RPGRIP1: variants seen among roughly 807,000 people sequenced by gnomAD.
RPGRIP1 encodes X-linked retinitis pigmentosa GTPase regulator-interacting protein 1.
A neutral mutation model predicts 157.9 loss-of-function variants in RPGRIP1; 128 were observed. That is an observed-to-expected ratio of 0.81 (90% CI 0.70 to 0.94). RPGRIP1 has a LOEUF of 0.94. Among genes scored for constraint, RPGRIP1 ranks in the 40% least tolerant of loss-of-function variants. The pLI is 0.00. For missense variants in RPGRIP1, 1,486 were observed against 1,545.8 expected, an observed-to-expected ratio of 0.96 and a Z score of 0.65; for synonymous variants, 554 against 571.6, an observed-to-expected ratio of 0.97 and a Z score of 0.44.
intron 4 of RPGRIP1, 132 bp downstream of exon 4, chr14:21,301,369 G>A: frequency 1.0e-6 from 1 of 971,640 alleles, no homozygotes; most frequent in Non-Finnish European, 1.5e-6. Context: ...CCTCCTTTCT[G>A]CCTCCCTAAA....
chr14:21,304,440 A>AAAGG (rs1566673349), intron 6 of RPGRIP1, among the ~76,000 whole-genome samples: 3 of 141,610 alleles, frequency 2.1e-5, no homozygotes, highest in Non-Finnish European at 4.7e-5. Context: ...AGAAAGAAAG[A>AAAGG]AAGAAATTAA....
At chr14:21,288,178 C>CA in intron 2 of RPGRIP1, 117 bp downstream of exon 2, 3 of 599,770 alleles carry the variant, frequency 5.0e-6, no homozygotes, top group East Asian at 3.0e-5. Context: ...TCAGTCTTCT[C>CA]ACTTTTTTTT....
rs1412730800 is a variant in RPGRIP1, at chr14:21,326,794, TTC to T, written c.2710+626_2710+627del. 5.9e-5 allele frequency among the ~76,000 whole-genome samples: 9 copies of T among 152,352 alleles called. No individual in the cohort carries two copies. In the East Asian group the frequency reaches 7.7e-4, roughly 13 times the overall value. ...CTGAGACCTTAACACTCCCCCATCA[TTC>T]TCTCACTTCTTTTAAACACTGGACA... is the stretch of plus-strand genomic sequence containing the variant. On this transcript the variant is annotated intron_variant, in intron 17 of 24. Transcript: ENST00000400017.
chr14:21,295,553 A>C (rs1319871835), intron 3 of RPGRIP1, among the ~76,000 whole-genome samples: 1 of 142,866 alleles, frequency 7.0e-6, no homozygotes, highest in Non-Finnish European at 1.5e-5. Flanking sequence ...GCATGATCTC[A>C]GCTCACCGCA....
At chr14:21,302,227 A>G (rs569488270) in intron 4 of RPGRIP1, among the ~76,000 whole-genome samples, 1 of 152,258 alleles carries the variant, frequency 6.6e-6, no homozygotes, top group East Asian at 1.9e-4. Flanking sequence ...TTAGACACAC[A>G]GTCTCTGCCC....
intron 21 of RPGRIP1, among the ~76,000 whole-genome samples, chr14:21,335,972 A>G (rs76366205): frequency 0.027 from 4,186 of 152,314 alleles, 187 homozygotes; most frequent in African/African-American, 0.095. Context: ...GTGACTGAAT[A>G]ATAGATTCAG....
At chr14:21,309,986 G>A (rs1280364653) in intron 7 of RPGRIP1, among the ~76,000 whole-genome samples, 3 of 152,072 alleles carry the variant, frequency 2.0e-5, no homozygotes, top group Non-Finnish European at 2.9e-5. Context: ...TTGGGAGGTT[G>A]AGGAAGGAGA....
intron 21 of RPGRIP1, among the ~76,000 whole-genome samples, chr14:21,338,167 C>T (rs1199122510): frequency 2.0e-5 from 3 of 152,216 alleles, no homozygotes; most frequent in South Asian, 4.1e-4. Flanking sequence ...CTGCCCGCCT[C>T]GGCCTCCCAA....
intron 5 of RPGRIP1, 62 bp downstream of exon 5, chr14:21,302,646 T>C: frequency 9.6e-7 from 1 of 1,046,718 alleles, no homozygotes; most frequent in Non-Finnish European, 1.4e-6. Flanking sequence ...AAGACATCAT[T>C]TAGGGAACAA....
At chr14:21,317,949 G>C in intron 11 of RPGRIP1, 99 bp downstream of exon 11, 1 of 1,012,860 alleles carries the variant, frequency 9.9e-7, no homozygotes, top group South Asian at 1.5e-5. Flanking sequence ...CCCCTCACTT[G>C]ATCCTATTCT....
intron 13 of RPGRIP1, 185 bp downstream of exon 13, chr14:21,321,587 C>T (rs1882478199): frequency 8.0e-7 from 1 of 1,252,606 alleles, no homozygotes; most frequent in African/African-American, 1.5e-5. Flanking sequence ...GGCACCTTGG[C>T]ACTAGGAGCC....
chr14:21,284,685 C>T (rs150155906), intron 1 of RPGRIP1, among the ~76,000 whole-genome samples: 48 of 151,956 alleles, frequency 3.2e-4, no homozygotes, highest in African/African-American at 1.1e-3. Flanking sequence ...ACTGGGATCA[C>T]TCTGTCGTGG....
At chr14:21,281,708 AATAATAAT>A (rs1880136559) in intron 1 of RPGRIP1, among the ~76,000 whole-genome samples, 3 of 137,782 alleles carry the variant, frequency 2.2e-5, no homozygotes, top group Admixed American at 2.2e-4. Flanking sequence ...AAAAATAAAT[AATAATAAT>A]AATAATAATA....
At chr14:21,313,621 C>G (rs543708176) in intron 10 of RPGRIP1, among the ~76,000 whole-genome samples, 30 of 152,004 alleles carry the variant, frequency 2.0e-4, no homozygotes, top group Non-Finnish European at 3.1e-4. Context: ...AGCCCTGTGT[C>G]TACTAAAAAT....
At chr14:21,339,315 G>A (rs138511711) in intron 21 of RPGRIP1, among the ~76,000 whole-genome samples, 186 of 152,070 alleles carry the variant, frequency 1.2e-3, no homozygotes, top group Admixed American at 2.4e-3. Flanking sequence ...GCGTGGTGGC[G>A]CGTGCTTGTA....
In RPGRIP1 at chr14:21,326,031, T is replaced by C. The variant is rs794727175; in HGVS notation, c.2568T>C (p.Leu856=). The change falls in exon 17 of 25, where the codon CTT becomes CTC. Residue 856 remains leucine, a synonymous_variant. Coordinates refer to ENST00000400017, the MANE Select transcript of RPGRIP1 (RefSeq NM_020366.4). ...GAGACCAGGCTCGATTCCCAGTGCTTGTGACCTCTGACCTGGACCATTATC... is the reference window on the plus strand; with the variant it reads ...GAGACCAGGCTCGATTCCCAGTGCTCGTGACCTCTGACCTGGACCATTATC... The part of the protein sequence containing the change: ...YFRDQARFPV[L]VTSDLDHYLR... 2.5e-6 allele frequency: 4 copies of C among 1,613,954 alleles called. No individual in the cohort carries two copies. Among genetic ancestry groups the C allele is most frequent in the Non-Finnish European group, 3.4e-6 (4 of 1,179,862 alleles).
rs1402729345 is a variant in RPGRIP1 at position 21,330,142 on chromosome 14, A to T, written c.3100-107A>T. 11 of 688,396 alleles carry T rather than the reference A, an allele frequency of 1.6e-5. No homozygotes were observed. The Admixed American group carries it at 2.0e-4, about 13-fold the overall frequency. 42.6% of individuals were successfully genotyped at this position (688,396 alleles called of 1,614,324 possible). A position where few individuals can be genotyped will look rare whatever the true frequency, so the allele number is the denominator to read the frequency against. On this transcript the variant is annotated intron_variant, in intron 19 of 24. Coordinates refer to ENST00000400017, the MANE Select transcript of RPGRIP1 (RefSeq NM_020366.4). ...CAAAAAAATAATAATAATAAAAATT[A>T]AAAAAATAAAAAGAGCTAATATTTA...
At position 21,295,457 on chromosome 14, in the gene RPGRIP1, A is replaced by G. The variant is rs1880729048; in HGVS notation, c.218+648A>G. ...GTGCTATCTATACATTTATTTATTT[A>G]TTTATTTATTTATTTTTGAGATTTT... On this transcript the variant is annotated intron_variant, in intron 3 of 24. Transcript: ENST00000400017. Among the ~76,000 whole-genome samples the G allele has an allele frequency of 1.5e-5, 2 of 130,104 alleles. 1 individual carries two copies. The highest frequency in any genetic ancestry group is 4.4e-4 in the East Asian group (2 of 4,518). The allele number at this position is 130,104 out of a possible 152,430, so 85.4% of individuals were successfully genotyped here.
Position 21,343,178 on chromosome 14 carries a change from C to T in RPGRIP1, c.3482C>T (p.Ser1161Phe). 6.2e-7 allele frequency: 1 copy of T among 1,613,392 alleles called. No homozygotes were observed. Among genetic ancestry groups the T allele is most frequent in the African/African-American group, 1.3e-5 (1 of 74,998 alleles). The change falls in exon 22 of 25, where the codon TCC becomes TTC. Residue 1161 changes from serine (S) to phenylalanine (F), a missense_variant. By Grantham distance (155) the Ser-to-Phe change is radical (BLOSUM62 -2). Coordinates refer to ENST00000400017, the MANE Select transcript of RPGRIP1 (RefSeq NM_020366.4). ...TTGTCGGAGACAGAGACTCCAGTGT[C>T]CCTAAGGAAGCCTAGGGCAGGAGAA... ...LPLSETETPV[S>F]LRKPRAGEEI...
Sources: allele counts gnomAD v4.1 joint callset (sites outside exome capture counted in the v4.1 genomes callset), GRCh38; gene constraint gnomAD v4.1.1; transcripts MANE v1.5; gene names NCBI Gene and HGNC (gene_info 2026-07-23, HGNC 2026-07-21).